The following CREB5 variants were observed in gnomAD, a reference collection of about 807,000 sequenced individuals.
CREB5 encodes the protein cyclic AMP-responsive element-binding protein 5.
In CREB5, 19 loss-of-function variants were observed where a neutral mutation model predicts 57.1. That is an observed-to-expected ratio of 0.33 (90% CI 0.23 to 0.49). The LOEUF (loss-of-function observed/expected upper bound fraction) is 0.49. Ranked by LOEUF, CREB5 falls within the 20% of genes least tolerant of loss-of-function variation. The pLI is 0.99. For synonymous variants in CREB5, 238 were observed against 238.3 expected, an observed-to-expected ratio of 1.00 and a Z score of 0.01; for missense variants, 579 against 671.6, an observed-to-expected ratio of 0.86 and a Z score of 1.52.
chr7:28,649,429 G>A (rs1799038836), intron 5 of CREB5, among the ~76,000 whole-genome samples: 1 of 152,224 alleles, frequency 6.6e-6, no homozygotes, highest in Non-Finnish European at 1.5e-5. Context: ...ATTCATTGAT[G>A]TATTGTCTAT....
intron 5 of CREB5, among the ~76,000 whole-genome samples, chr7:28,585,488 T>G (rs1796272732): frequency 6.6e-6 from 1 of 152,210 alleles, no homozygotes; most frequent in Non-Finnish European, 1.5e-5. Flanking sequence ...TAGGGCTCAT[T>G]TTCGTGACCG....
intron 3 of CREB5, among the ~76,000 whole-genome samples, chr7:28,500,289 T>A (rs1792224609): frequency 1.3e-5 from 2 of 152,208 alleles, no homozygotes; most frequent in South Asian, 4.1e-4. Flanking sequence ...GAAAGGCCTC[T>A]GGGTACTTTA....
chr7:28,407,844 A>T (rs867257708), upstream of CREB5, among the ~76,000 whole-genome samples: 9 of 152,362 alleles, frequency 5.9e-5, no homozygotes, highest in South Asian at 2.1e-4. Flanking sequence ...AATGTATTAC[A>T]GTTTCTAGCC....
intron 4 of CREB5, among the ~76,000 whole-genome samples, chr7:28,569,508 C>G (rs537262647): frequency 9.9e-5 from 15 of 152,244 alleles, no homozygotes; most frequent in South Asian, 4.1e-4. Context: ...CATTTGAAGG[C>G]ATCAGAAATA....
At chr7:28,412,313 A>T (rs989459667), upstream of CREB5, among the ~76,000 whole-genome samples, 1 of 151,978 alleles carries the variant, frequency 6.6e-6, no homozygotes, top group East Asian at 1.9e-4. Flanking sequence ...GGATTATCTC[A>T]GTAGCGATAT....
At chr7:28,723,530 A>G (rs1320647229) in intron 6 of CREB5, among the ~76,000 whole-genome samples, 1 of 152,168 alleles carries the variant, frequency 6.6e-6, no homozygotes, top group South Asian at 2.1e-4. Context: ...TAGCCCTGCT[A>G]TGAAACCAGG....
At chr7:28,356,149 G>A (rs1461698835) in intron 1 of CREB5, among the ~76,000 whole-genome samples, 2 of 152,206 alleles carry the variant, frequency 1.3e-5, no homozygotes, top group Non-Finnish European at 2.9e-5. Context: ...TTTTCTAATT[G>A]AATGCAGATA....
intron 1 of CREB5, among the ~76,000 whole-genome samples, chr7:28,438,848 CG>C (rs1789070925): frequency 6.6e-6 from 1 of 152,160 alleles, no homozygotes; most frequent in African/African-American, 2.4e-5. Context: ...CTAATAAAAT[CG>C]ACCAGTTACA....
At position 28,718,734 on chromosome 7, in the gene CREB5, GT is replaced by G. The variant is rs771669384; in HGVS notation, c.465-12del. On this transcript the variant is annotated intron_variant, in intron 5 of 10. Transcript: ENST00000357727. ...AGGGCACCAGGAATCATGTTTGTTT[GT>G]TTTTTTCTTTGTCCCAGGCCTGTCC... The G allele has an allele frequency of 3.1e-6, 5 of 1,612,502 alleles. No individual in the cohort carries two copies. In the Admixed American group the frequency reaches 6.7e-5, roughly 22 times the overall value.
chr7:28,330,420 TTG>T (rs980298783), intron 1 of CREB5, among the ~76,000 whole-genome samples: 2 of 150,230 alleles, frequency 1.3e-5, no homozygotes, highest in East Asian at 1.9e-4. Context: ...TTTTTTTTTT[TTG>T]CATATTTAGT....
chr7:28,315,769 G>A (rs1417901171), intron 1 of CREB5, among the ~76,000 whole-genome samples: 1 of 152,140 alleles, frequency 6.6e-6, no homozygotes, highest in East Asian at 1.9e-4. Flanking sequence ...TCCTCCCTGG[G>A]CTCTGCACAT....
chr7:28,351,531 A>G (rs1786185211), intron 1 of CREB5, among the ~76,000 whole-genome samples: 1 of 152,182 alleles, frequency 6.6e-6, no homozygotes, highest in South Asian at 2.1e-4. Context: ...CCATCTATTA[A>G]TGAGCATGAA....
chr7:28,782,669 C>T (rs1807057240), intron 7 of CREB5, among the ~76,000 whole-genome samples: 1 of 152,080 alleles, frequency 6.6e-6, no homozygotes, highest in South Asian at 2.1e-4. Context: ...TATTGGAATG[C>T]ACGTGTTGGA....
chr7:28,509,867 C>T (rs1440012167), intron 4 of CREB5, among the ~76,000 whole-genome samples: 1 of 152,124 alleles, frequency 6.6e-6, no homozygotes. Context: ...CTCAGGACAC[C>T]GCCGTCTCAT....
intron 5 of CREB5, among the ~76,000 whole-genome samples, chr7:28,681,195 A>G (rs891150739): frequency 6.6e-6 from 1 of 152,074 alleles, no homozygotes; most frequent in African/African-American, 2.4e-5. Flanking sequence ...TTCTTATTAT[A>G]GGTTTTCTAG....
intron 4 of CREB5, among the ~76,000 whole-genome samples, chr7:28,538,485 C>T (rs1216540628): frequency 2.0e-5 from 3 of 152,150 alleles, no homozygotes; most frequent in Non-Finnish European, 4.4e-5. Context: ...TATGACTCTT[C>T]TCTTTTTTTC....
At chr7:28,385,132 A>G (rs1787061111) in intron 1 of CREB5, among the ~76,000 whole-genome samples, 1 of 152,250 alleles carries the variant, frequency 6.6e-6, no homozygotes, top group African/African-American at 2.4e-5. Context: ...ATAGTACTAT[A>G]GCTTATACTG....
intron 5 of CREB5, among the ~76,000 whole-genome samples, chr7:28,602,799 C>T (rs1242422384): frequency 6.6e-6 from 1 of 152,154 alleles, no homozygotes; most frequent in Non-Finnish European, 1.5e-5. Context: ...GTCATGGCTA[C>T]ACAAATTTAC....
rs370035997 is a variant in CREB5 at position 28,313,349 on chromosome 7, T to C, written c.-25+13908T>C. Reference sequence around the variant, plus strand: ...TATGAACCTGAAACCTGTTTTCCTATCCCTTTTACCTATAGGCTGTTTGTC... The same window carrying C: ...TATGAACCTGAAACCTGTTTTCCTACCCCTTTTACCTATAGGCTGTTTGTC... On this transcript the variant is annotated intron_variant, in intron 1 of 9. Coordinates refer to the CREB5 transcript ENST00000396299. Among the ~76,000 whole-genome samples, 9 of 152,340 alleles carry C rather than the reference T, an allele frequency of 5.9e-5. No individual in the cohort carries two copies. The East Asian group carries it at 1.4e-3, about 23-fold the overall frequency.
Sources: allele counts gnomAD v4.1 joint callset (sites outside exome capture counted in the v4.1 genomes callset), GRCh38; gene constraint gnomAD v4.1.1; transcripts MANE v1.5; gene names NCBI Gene and HGNC (gene_info 2026-07-23, HGNC 2026-07-21).